Variants in DDX4 observed in about 807,000 individuals in gnomAD.
DDX4 encodes the protein probable ATP-dependent RNA helicase DDX4.
In DDX4, 25 loss-of-function variants were observed where a neutral mutation model predicts 100.0. The ratio of observed to expected loss-of-function variants is 0.25; its 90% CI spans 0.18 to 0.35. DDX4 has a LOEUF of 0.35. Among genes scored for constraint, DDX4 ranks in the 10% least tolerant of loss-of-function variants. The probability of loss-of-function intolerance (pLI) is 1.00; values close to 1 mark genes in which losing one functional copy is unlikely to be tolerated. For missense variants in DDX4, 635 were observed against 882.4 expected (o/e 0.72, Z 3.55); for synonymous variants, 259 against 275.7 (o/e 0.94, Z 0.60).
In DDX4 at chr5:55,775,303, A is replaced by G. The variant is rs77105524; in HGVS notation, c.395-4661A>G. 3.5e-3 allele frequency among the ~76,000 whole-genome samples: 528 copies of G among 152,330 alleles called. 7 individuals carry two copies. The highest frequency in any genetic ancestry group is 0.012 in the African/African-American group (512 of 41,584). The stretch of plus-strand genomic sequence containing the variant: ...TCTTTCCGACTATTGTAAGTCCGCT[A>G]TGAACATTCACCTACAGTTATCTGT... On this transcript the variant is annotated intron_variant, in intron 7 of 21. Coordinates refer to ENST00000505374, the MANE Select transcript of DDX4 (RefSeq NM_024415.3).
At chr5:55,779,391 C>T (rs921995932) in intron 7 of DDX4, among the ~76,000 whole-genome samples, 2 of 152,152 alleles carry the variant, frequency 1.3e-5, no homozygotes, top group African/African-American at 4.8e-5. Context: ...GTCTTTATTT[C>T]CTGCCCAGTT....
In DDX4 at chr5:55,816,670, T is replaced by A; in HGVS notation, c.*130T>A. The A allele has an allele frequency of 2.3e-6, 3 of 1,298,916 alleles. No homozygotes were observed. Among genetic ancestry groups the A allele is most frequent in the Middle Eastern group, 2.4e-4 (1 of 4,186 alleles). The allele number at this position is 1,298,916 out of a possible 1,614,324, so 80.5% of individuals were successfully genotyped here. A position where few individuals can be genotyped will look rare whatever the true frequency, so the allele number is the denominator to read the frequency against. On this transcript the variant is annotated 3_prime_UTR_variant, in exon 22 of 22. Coordinates refer to ENST00000505374, the MANE Select transcript of DDX4 (RefSeq NM_024415.3). ...GTCCTTGTATTCTCACTCCTACACT[T>A]AAAAAAAAAATCCTTACTGACTAGT...
intron 15 of DDX4, among the ~76,000 whole-genome samples, chr5:55,789,344 T>C (rs1157469711): frequency 3.3e-5 from 5 of 152,190 alleles, no homozygotes; most frequent in Non-Finnish European, 7.3e-5. Flanking sequence ...GCTGGGTCCT[T>C]CTGAGTTAAG....
intron 13 of DDX4, 38 bp downstream of exon 13, chr5:55,785,909 A>T (rs1478703957): frequency 6.8e-7 from 1 of 1,480,062 alleles, no homozygotes. Context: ...GCTATGTAGC[A>T]CACTTTGCCT....
At chr5:55,809,461 C>T (rs570970789) in intron 18 of DDX4, among the ~76,000 whole-genome samples, 9 of 152,138 alleles carry the variant, frequency 5.9e-5, no homozygotes, top group South Asian at 2.1e-4. Context: ...TTGGCTCCAC[C>T]CCTGATTAAG....
intron 7 of DDX4, among the ~76,000 whole-genome samples, chr5:55,776,379 A>G (rs1256385527): frequency 6.6e-6 from 1 of 152,236 alleles, no homozygotes; most frequent in Non-Finnish European, 1.5e-5. Flanking sequence ...AGGACAGGAA[A>G]GAAGAATATT....
chr5:55,789,377 G>T (rs114880339), intron 15 of DDX4, among the ~76,000 whole-genome samples: 3,976 of 152,268 alleles, frequency 0.026, 73 homozygotes, highest in South Asian at 0.051. Flanking sequence ...GATTGTAAAC[G>T]AGATGTCAAC....
intron 7 of DDX4, among the ~76,000 whole-genome samples, chr5:55,773,694 G>A (rs775142842): frequency 3.3e-5 from 5 of 151,818 alleles, no homozygotes; most frequent in African/African-American, 1.2e-4. Context: ...TCACAATTTC[G>A]GCTCACTGCA....
At chr5:55,768,199 G>A (rs1158632542) in intron 7 of DDX4, 7 of 432,424 alleles carry the variant, frequency 1.6e-5, no homozygotes, top group Non-Finnish European at 8.5e-6. Flanking sequence ...GCATGCCATG[G>A]GGTTTTGGTG....
chr5:55,814,632 A>T (rs1744289047), intron 19 of DDX4, among the ~76,000 whole-genome samples: 1 of 152,144 alleles, frequency 6.6e-6, no homozygotes. Flanking sequence ...CTGGAATTAC[A>T]GGTGCATGCC....
intron 18 of DDX4, among the ~76,000 whole-genome samples, chr5:55,805,023 T>G (rs1580603044): frequency 6.6e-6 from 1 of 151,996 alleles, no homozygotes; most frequent in Non-Finnish European, 1.5e-5. Context: ...TAGTTCTCCT[T>G]GAAGAGGTCC....
At chr5:55,797,642 G>A (rs1743047928) in intron 17 of DDX4, among the ~76,000 whole-genome samples, 1 of 152,152 alleles carries the variant, frequency 6.6e-6, no homozygotes, top group South Asian at 2.1e-4. Flanking sequence ...GGAGGGAGAG[G>A]CATTGAAGAG....
chr5:55,779,930 T>C, intron 7 of DDX4, 34 bp from the exon 8 acceptor site: 1 of 1,594,866 alleles, frequency 6.3e-7, no homozygotes, highest in Non-Finnish European at 8.5e-7. Context: ...TGTTGTTGTT[T>C]TGTGTTGTTC....
intron 10 of DDX4, among the ~76,000 whole-genome samples, chr5:55,782,751 A>G (rs1013991284): frequency 1.3e-5 from 2 of 151,972 alleles, no homozygotes; most frequent in African/African-American, 4.8e-5. Flanking sequence ...TCTGAAGGAT[A>G]AAGTTAGCTC....
At chr5:55,811,868 A>T (rs189403836) in intron 18 of DDX4, among the ~76,000 whole-genome samples, 13 of 152,338 alleles carry the variant, frequency 8.5e-5, no homozygotes, top group African/African-American at 3.1e-4. Context: ...TTCCGTTTTC[A>T]TACTCTTAAA....
intron 17 of DDX4, among the ~76,000 whole-genome samples, chr5:55,797,499 A>C (rs1743037952): frequency 6.6e-6 from 1 of 152,194 alleles, no homozygotes; most frequent in Admixed American, 6.5e-5. Context: ...AGAAGGTATA[A>C]AAAAGCTTTT....
chr5:55,745,448 C>T (rs1580507615), intron 2 of DDX4, among the ~76,000 whole-genome samples: 2 of 151,530 alleles, frequency 1.3e-5, no homozygotes, highest in African/African-American at 4.9e-5. Flanking sequence ...TTTTTTGAGA[C>T]GGTCTTATTC....
chr5:55,763,071 C>A (rs570180252), intron 4 of DDX4, 104 bp from the exon 5 acceptor site: 10 of 731,690 alleles, frequency 1.4e-5, no homozygotes, highest in Non-Finnish European at 2.1e-5. Flanking sequence ...CTTTTCCCAT[C>A]CTTGGAAGTC....
chr5:55,792,715 A>G lies in DDX4; in HGVS notation c.1377A>G (p.Glu459=). ...TGTTGGATATGGGTTTTGGTCCAGA[A>G]ATGAAGAAGTTAATTTCTTGCCCAG... ...DRMLDMGFGP[E]MKKLISCPGM... is the part of the protein sequence containing the mutation. The change falls in exon 17 of 22, where the codon GAA becomes GAG. Residue 459 remains glutamate (E), a synonymous_variant. Transcript: ENST00000505374. The G allele has an allele frequency of 6.2e-7, 1 of 1,604,832 alleles. No individual in the cohort carries two copies. The highest frequency in any genetic ancestry group is 8.5e-7 in the Non-Finnish European group (1 of 1,174,444).
Sources: allele counts gnomAD v4.1 joint callset (sites outside exome capture counted in the v4.1 genomes callset), GRCh38; gene constraint gnomAD v4.1.1; transcripts MANE v1.5; gene names NCBI Gene and HGNC (gene_info 2026-07-23, HGNC 2026-07-21).